Variants in FAM193B observed in about 807,000 individuals in gnomAD.
The protein encoded by FAM193B is family with sequence similarity 193 member B, also known as protein FAM193B.
Under a neutral mutation model 70.7 loss-of-function variants are expected in FAM193B, and 27 were observed. The ratio of observed to expected loss-of-function variants is 0.38; its 90% CI spans 0.28 to 0.53. FAM193B has a LOEUF of 0.53. Ranked by LOEUF, FAM193B falls within the 20% of genes least tolerant of loss-of-function variation. The probability of loss-of-function intolerance (pLI) is 0.81; values close to 1 mark genes in which losing one functional copy is unlikely to be tolerated. For missense variants in FAM193B, 1,022 were observed against 1,072.5 expected, an observed-to-expected ratio of 0.95 and a Z score of 0.66; for synonymous variants, 448 against 436.0, an observed-to-expected ratio of 1.03 and a Z score of -0.34.
At chr5:177,550,490 AG>A (rs1766067454) in intron 1 of FAM193B, among the ~76,000 whole-genome samples, 1 of 152,232 alleles carries the variant, frequency 6.6e-6, no homozygotes, top group African/African-American at 2.4e-5. Flanking sequence ...CAATTTCTTG[AG>A]GGAACAGTGG....
rs1339853559 is a variant in FAM193B, at chr5:177,536,371, G to A, written c.1063C>T (p.Pro355Ser). 6.2e-7 allele frequency: 1 copy of A among 1,609,434 alleles called. No homozygotes were observed. The highest frequency in any genetic ancestry group is 8.5e-7 in the Non-Finnish European group (1 of 1,178,672). The change falls in exon 4 of 9, where the codon CCT becomes TCT. Residue 355 changes from proline to serine, a missense_variant. Coordinates refer to ENST00000514747, the MANE Select transcript of FAM193B (RefSeq NM_001190946.3). Reference sequence around the variant, plus strand: ...CAGCACACTTACCTGTGAGTGCTAGGGAGTGGCTGAGAGCTCGGGGGTGGG... The same window carrying A: ...CAGCACACTTACCTGTGAGTGCTAGAGAGTGGCTGAGAGCTCGGGGGTGGG... ...LLPPPSSQPL[P>S]STHRDPGCKG...
chr5:177,528,388 G>GC (rs1246467580), intron 5 of FAM193B, among the ~76,000 whole-genome samples: 1 of 152,170 alleles, frequency 6.6e-6, no homozygotes, highest in Non-Finnish European at 1.5e-5. Flanking sequence ...GAGGAAAGAG[G>GC]CTGGGGAGGG....
intron 8 of FAM193B, among the ~76,000 whole-genome samples, chr5:177,521,471 C>A (rs572023763): frequency 6.6e-6 from 1 of 152,250 alleles, no homozygotes; most frequent in African/African-American, 2.4e-5. Flanking sequence ...TCAACTCCTC[C>A]ATGCCTAAAT....
chr5:177,529,056 A>G lies in FAM193B; in HGVS notation c.1275+3387T>C, dbSNP rs335442. On this transcript the variant is annotated intron_variant, in intron 5 of 8. Transcript: ENST00000514747. ...TAGCAATGCTTACTCCATTCAAGTG[A>G]GTGAGAAACGGATTGACCTGGGAAG... Among the ~76,000 whole-genome samples, 762 of 152,230 alleles carry G rather than the reference A, an allele frequency of 5.0e-3. 5 individuals are homozygous for G. Among genetic ancestry groups the G allele is most frequent in the African/African-American group, 0.018 (731 of 41,568 alleles).
In FAM193B at chr5:177,538,729, C is replaced by T. The variant is rs1231609032; in HGVS notation, c.453+176G>A. On this transcript the variant is annotated intron_variant, in intron 2 of 8. Coordinates refer to ENST00000514747, the MANE Select transcript of FAM193B (RefSeq NM_001190946.3). This position sits in a 1 kb window ranked among gnomAD's most constrained non-coding sequence, Gnocchi z 4.1. ...GACCGGTGGGCTGCCAGAAGTTTCT[C>T]TTCTTCCCCCAAATCTGAACTTGAG... Among the ~76,000 whole-genome samples, 3 of 152,154 alleles carry T rather than the reference C, an allele frequency of 2.0e-5. No homozygotes were observed. The highest frequency in any genetic ancestry group is 7.2e-5 in the African/African-American group (3 of 41,448).
chr5:177,536,283 C>T lies in FAM193B; in HGVS notation c.1076+75G>A, dbSNP rs541545902. The T allele has an allele frequency of 2.0e-6, 3 of 1,495,786 alleles. No homozygotes were observed. In the Admixed American group the frequency reaches 6.5e-5, roughly 32 times the overall value. The allele number at this position is 1,495,786 out of a possible 1,614,324, so 92.7% of individuals were successfully genotyped here. The stretch of plus-strand genomic sequence containing the variant: ...ATAGTCTACTTTTTAATTGCCACCT[C>T]AAAGTTAACCCCAAATTTTCCAAAA... On this transcript the variant is annotated intron_variant, in intron 4 of 8. Transcript: ENST00000514747.
Position 177,524,348 on chromosome 5 carries a change from C to G in FAM193B, c.2133G>C (p.Glu711Asp). The stretch of plus-strand genomic sequence containing the variant: ...GCCAGTTTCGCCAGGAGCTGCCCTT[C>G]TCCTTCTCAGTTTTGGGACTGCCAG... ...GWAGSPKTEK[E>D]KGSSWRNWPG... Residue 711 changes from glutamate to aspartate, a missense_variant, in exon 6 of 9, where the codon GAG (glutamate) becomes GAC (aspartate). Coordinates refer to ENST00000514747, the MANE Select transcript of FAM193B (RefSeq NM_001190946.3). 6.3e-7 allele frequency: 1 copy of G among 1,577,584 alleles called. No individual in the cohort carries two copies.
intron 4 of FAM193B, among the ~76,000 whole-genome samples, chr5:177,535,207 A>T (rs750173261): frequency 6.6e-6 from 1 of 152,268 alleles, no homozygotes; most frequent in Non-Finnish European, 1.5e-5. Flanking sequence ...CCAAATGCTC[A>T]GCAACTAGAG....
intron 8 of FAM193B, among the ~76,000 whole-genome samples, 200 bp from the exon 9 acceptor site, chr5:177,520,381 G>C (rs1321765418): frequency 6.6e-6 from 1 of 152,256 alleles, no homozygotes; most frequent in Non-Finnish European, 1.5e-5. Flanking sequence ...CAGAGCCCCA[G>C]TCCCAGGATC....
intron 1 of FAM193B, among the ~76,000 whole-genome samples, chr5:177,549,925 C>T (rs1157495115): frequency 6.6e-6 from 1 of 152,108 alleles, no homozygotes; most frequent in African/African-American, 2.4e-5. Context: ...CAATATATTT[C>T]CCCCCAAATA....
rs767415098 is a variant in FAM193B, at chr5:177,523,950, C to T, written c.2372+7G>A. 11 of 1,613,686 alleles carry T rather than the reference C, an allele frequency of 6.8e-6. No individual in the cohort carries two copies. In the Admixed American group the frequency reaches 1.8e-4, roughly 27 times the overall value. ...CACAAGTGGGAGAGCAGGCAGCCCA[C>T]ACCTACCTCTTAAAGTACTCCACCT... On this transcript the variant is annotated splice_region_variant and intron_variant, in intron 7 of 8. Coordinates refer to ENST00000514747, the MANE Select transcript of FAM193B (RefSeq NM_001190946.3).
Position 177,524,848 on chromosome 5 carries a change from G to C in FAM193B, c.1633C>G (p.His545Asp). Residue 545 changes from histidine to aspartate, a missense_variant, in exon 6 of 9, where the codon CAC becomes GAC. By Grantham distance (81) the His-to-Asp change is moderately conservative. Coordinates refer to ENST00000514747, the MANE Select transcript of FAM193B (RefSeq NM_001190946.3). ...GGCTCGCCTGGAGCTTGTAACGTGT[G>C]GTTCTGAGGGGAGCCCAAAGTCAAA... The part of the protein sequence containing the change: ...SPLTLGSPQN[H>D]TLQAPGEPAP... The C allele has an allele frequency of 6.6e-7, 1 of 1,509,600 alleles. No homozygotes were observed. Among genetic ancestry groups the C allele is most frequent in the Non-Finnish European group, 8.8e-7 (1 of 1,131,334 alleles). 93.5% of individuals were successfully genotyped at this position (1,509,600 alleles called of 1,614,324 possible).
At chr5:177,553,475 T>C in intron 1 of FAM193B, 1 of 1,106,118 alleles carries the variant, frequency 9.0e-7, no homozygotes, top group African/African-American at 1.7e-5. Flanking sequence ...CCCCCGCCTC[T>C]CAGTGAACTT....
intron 1 of FAM193B, chr5:177,554,025 C>T: frequency 7.5e-7 from 1 of 1,328,246 alleles, no homozygotes; most frequent in Non-Finnish European, 9.7e-7. Context: ...GAGAGGGGAG[C>T]AGCTTCAGCC....
At chr5:177,551,047 C>T (rs1014681254) in intron 1 of FAM193B, among the ~76,000 whole-genome samples, 45 of 151,522 alleles carry the variant, frequency 3.0e-4, no homozygotes, top group African/African-American at 1.1e-3. Context: ...GTCACCAATG[C>T]TGGTCTCAAA....
At chr5:177,554,005 A>G (rs1328280840) in intron 1 of FAM193B, 1 of 1,297,828 alleles carries the variant, frequency 7.7e-7, no homozygotes, top group South Asian at 1.6e-5. Flanking sequence ...GAACGCCCGG[A>G]GGCGGCGGGG....
chr5:177,554,368 G>C lies in FAM193B; in HGVS notation c.91C>G (p.Pro31Ala). 1.6e-6 allele frequency: 2 copies of C among 1,214,520 alleles called. No homozygotes were observed. Among genetic ancestry groups the C allele is most frequent in the Admixed American group, 8.8e-5 (2 of 22,792 alleles). 75.2% of individuals were successfully genotyped at this position (1,214,520 alleles called of 1,614,324 possible). Reference sequence around the variant, plus strand: ...GCCTCCAGGCTTGGCGGCGGCGGGGGCTCGGGCGCCTGGGGCTTCTGCGGC... The same window carrying C: ...GCCTCCAGGCTTGGCGGCGGCGGGGCCTCGGGCGCCTGGGGCTTCTGCGGC... ...AGPQKPQAPE[P>A]PPPPSLEAGA... Residue 31 changes from proline (P) to alanine (A), a missense_variant, in exon 1 of 9, where the codon CCC becomes GCC. Coordinates refer to ENST00000514747, the MANE Select transcript of FAM193B (RefSeq NM_001190946.3).
At chr5:177,521,114 C>T (rs1206806422) in intron 8 of FAM193B, among the ~76,000 whole-genome samples, 1 of 152,214 alleles carries the variant, frequency 6.6e-6, no homozygotes, top group Non-Finnish European at 1.5e-5. Context: ...CTGCCCCAGC[C>T]TTCCAGTCTC....
intron 5 of FAM193B, chr5:177,531,529 TGGGGG>T: frequency 2.0e-6 from 1 of 488,044 alleles, no homozygotes; most frequent in Non-Finnish European, 3.3e-6. Context: ...TGGCTGGGGG[TGGGGG>T]GGAGGTGCTG....
Sources: allele counts gnomAD v4.1 joint callset (sites outside exome capture counted in the v4.1 genomes callset), GRCh38; gene constraint gnomAD v4.1.1; non-coding constraint Gnocchi (gnomAD v3.1); transcripts MANE v1.5; gene names NCBI Gene and HGNC (gene_info 2026-07-23, HGNC 2026-07-21).